The following RIMS3 variants were observed in gnomAD, a reference collection of about 807,000 sequenced individuals.
RIMS3 encodes the protein regulating synaptic membrane exocytosis 3, also known as regulating synaptic membrane exocytosis protein 3.
In RIMS3, 15 loss-of-function variants were observed where a neutral mutation model predicts 29.2. The observed-to-expected ratio is 0.51, with a 90% CI of 0.34 to 0.79. The LOEUF is 0.79. Ranked by LOEUF, RIMS3 falls within the 30% of genes least tolerant of loss-of-function variation. RIMS3 has a pLI of 0.01. For synonymous variants in RIMS3, 161 were observed against 170.1 expected (o/e 0.95, Z 0.41); for missense variants, 342 against 421.4 (o/e 0.81, Z 1.65).
At chr1:40,689,205 CTT>C in the RIMS3 span, among the ~76,000 whole-genome samples, 6 of 152,360 alleles carry the variant, frequency 3.9e-5, no homozygotes, top group South Asian at 1.2e-3. Context: ...ACATGCTGCT[CTT>C]GTGTCAGAGG....
the RIMS3 span, among the ~76,000 whole-genome samples, chr1:40,672,430 C>T: frequency 6.6e-6 from 1 of 151,432 alleles, no homozygotes; most frequent in African/African-American, 2.4e-5. Context: ...GATCTCCTGA[C>T]CTCGTGATCC....
At chr1:40,668,930 C>T (rs1642459689), upstream of RIMS3, among the ~76,000 whole-genome samples, 1 of 152,206 alleles carries the variant, frequency 6.6e-6, no homozygotes, top group African/African-American at 2.4e-5. Flanking sequence ...GAGGCTTCTC[C>T]TGCGGCGCTC....
At position 40,623,277 on chromosome 1, in the gene RIMS3, T is replaced by C. The variant is rs1200253722; in HGVS notation, c.*3240A>G. The C allele has an allele frequency of 2.5e-6, 1 of 397,410 alleles. No homozygotes were observed. The highest frequency in any genetic ancestry group is 3.6e-5 in the East Asian group (1 of 28,078). 24.6% of individuals were successfully genotyped at this position (397,410 alleles called of 1,614,324 possible). ...AGTCATTTTGGAGATGATTCTTCCC[T>C]GAAGGATCAAGTTCCCCTTGTCAAA... On this transcript the variant is annotated 3_prime_UTR_variant, in exon 8 of 8. Transcript: ENST00000372684.
Position 40,626,320 on chromosome 1 carries a change from T to C in RIMS3, c.*197A>G, listed in dbSNP as rs1646453058. The C allele has an allele frequency of 1.6e-6, 1 of 627,452 alleles. No homozygotes were observed. The allele number at this position is 627,452 out of a possible 1,614,324, so 38.9% of individuals were successfully genotyped here. A position where few individuals can be genotyped will look rare whatever the true frequency, so the allele number is the denominator to read the frequency against. On this transcript the variant is annotated 3_prime_UTR_variant, in exon 8 of 8. Transcript: ENST00000372684. ...AGACAAATGAACAGATAGAACGTGG[T>C]CACGTACACACACACACACACGCAC...
rs573135971 is a variant in RIMS3, at chr1:40,635,340, T to C, written c.359+576A>G. Among the ~76,000 whole-genome samples the C allele has an allele frequency of 1.3e-4, 20 of 152,368 alleles. No homozygotes were observed. The highest frequency in any genetic ancestry group is 4.8e-4 in the African/African-American group (20 of 41,596). ...CCCAGGACAGACCTGTGTGCATCTATACATAAAAAATGGAAACAAAAGTTC... is the reference window on the plus strand; with the variant it reads ...CCCAGGACAGACCTGTGTGCATCTACACATAAAAAATGGAAACAAAAGTTC... On this transcript the variant is annotated intron_variant, in intron 4 of 7. Coordinates refer to ENST00000372684, the MANE Select transcript of RIMS3 (RefSeq NM_014747.3). The surrounding 1 kb of genome is among the most constrained non-coding windows in gnomAD (Gnocchi z 4.1).
At chr1:40,648,059 G>A (rs954249372) in intron 1 of RIMS3, among the ~76,000 whole-genome samples, 1 of 152,186 alleles carries the variant, frequency 6.6e-6, no homozygotes, top group African/African-American at 2.4e-5. Context: ...TCAAGCTGCT[G>A]AAGACCCACA....
the RIMS3 span, among the ~76,000 whole-genome samples, chr1:40,685,254 C>G: frequency 2.5e-4 from 36 of 141,646 alleles, 1 homozygote. Flanking sequence ...GAATAAAATG[C>G]AATAAATTTA....
chr1:40,633,033 C>A (rs746853960), intron 5 of RIMS3, 36 bp downstream of exon 5: 11 of 1,545,678 alleles, frequency 7.1e-6, no homozygotes, highest in Non-Finnish European at 1.8e-6. Flanking sequence ...GCATGGTCAC[C>A]ATTACCCCAC....
At chr1:40,688,515 G>A in the RIMS3 span, among the ~76,000 whole-genome samples, 1 of 152,274 alleles carries the variant, frequency 6.6e-6, no homozygotes, top group Admixed American at 6.5e-5. Context: ...TTTATATAAA[G>A]AGGAATCTAA....
chr1:40,653,516 C>A (rs1432174773), intron 1 of RIMS3, among the ~76,000 whole-genome samples: 1 of 152,124 alleles, frequency 6.6e-6, no homozygotes, highest in Non-Finnish European at 1.5e-5. Context: ...GAAGCCCAGG[C>A]CTGAAAGGAG....
At chr1:40,645,933 C>T (rs1646592469) in intron 2 of RIMS3, among the ~76,000 whole-genome samples, 1 of 152,146 alleles carries the variant, frequency 6.6e-6, no homozygotes, top group Non-Finnish European at 1.5e-5. Flanking sequence ...GCCTGCAGGC[C>T]ACTCCCCAAG....
chr1:40,676,109 C>T, the RIMS3 span, among the ~76,000 whole-genome samples: 5 of 152,256 alleles, frequency 3.3e-5, no homozygotes, highest in African/African-American at 9.6e-5. Context: ...GAGTCCTAGA[C>T]CTCTATCCTT....
At position 40,633,587 on chromosome 1, in the gene RIMS3, T is replaced by C. The variant is rs146420185; in HGVS notation, c.360-406A>G. Among the ~76,000 whole-genome samples, 13 of 152,258 alleles carry C rather than the reference T, an allele frequency of 8.5e-5. No individual in the cohort carries two copies. In the East Asian group the frequency reaches 2.5e-3, roughly 29 times the overall value. ...CAAGTTACAAGAACTGAGGTTTGAG[T>C]TGACTGCAAGTTTGAAATCCAAGTC... On this transcript the variant is annotated intron_variant, in intron 4 of 7. Coordinates refer to ENST00000372684, the MANE Select transcript of RIMS3 (RefSeq NM_014747.3).
chr1:40,661,314 C>A (rs1048825492), intron 1 of RIMS3, among the ~76,000 whole-genome samples: 4 of 152,144 alleles, frequency 2.6e-5, no homozygotes, highest in African/African-American at 7.2e-5. Flanking sequence ...ACATCCCACC[C>A]ACCTTGGGAC....
intron 1 of RIMS3, among the ~76,000 whole-genome samples, chr1:40,664,830 C>T (rs1642401678): frequency 6.6e-6 from 1 of 152,098 alleles, no homozygotes; most frequent in Admixed American, 6.5e-5. Context: ...GCCAAGCCTC[C>T]CTGAACCCTG....
chr1:40,686,584 G>A, the RIMS3 span, among the ~76,000 whole-genome samples: 13 of 152,276 alleles, frequency 8.5e-5, no homozygotes, highest in Admixed American at 4.6e-4. Context: ...GTGAACCCGG[G>A]AGGCGGAGTT....
chr1:40,691,904 T>C, the RIMS3 span: 5 of 350,150 alleles, frequency 1.4e-5, no homozygotes, highest in African/African-American at 4.5e-5. Flanking sequence ...GCGAGGGTGA[T>C]AGGGAAGCGG....
the RIMS3 span, among the ~76,000 whole-genome samples, chr1:40,689,748 T>C: frequency 1.3e-5 from 2 of 152,162 alleles, no homozygotes; most frequent in African/African-American, 2.4e-5. Context: ...CAAGGACTAA[T>C]ATTAGGCTTA....
intron 5 of RIMS3, 72 bp from the exon 6 acceptor site, chr1:40,629,444 T>C: frequency 8.2e-7 from 1 of 1,224,478 alleles, no homozygotes; most frequent in Admixed American, 1.7e-5. Context: ...CTGTACTGAA[T>C]GCCAGCCTGT....
Sources: gnomAD v4.1 joint callset for allele counts (sites outside exome capture counted in the v4.1 genomes callset) on GRCh38, gnomAD v4.1.1 for gene constraint, Gnocchi (gnomAD v3.1) non-coding constraint, MANE v1.5 for transcripts, NCBI Gene and HGNC (gene_info 2026-07-23, HGNC 2026-07-21) for gene names.